LINGO2: variants seen among roughly 807,000 people sequenced by gnomAD.
The protein encoded by LINGO2 is leucine-rich repeat and immunoglobulin-like domain-containing nogo receptor-interacting protein 2.
In LINGO2, 14 loss-of-function variants were observed where a neutral mutation model predicts 30.6. That is an observed-to-expected ratio of 0.46 (90% CI 0.30 to 0.72). LINGO2 has a LOEUF of 0.72. Ranked by LOEUF, LINGO2 falls within the 30% of genes least tolerant of loss-of-function variation. The probability of loss-of-function intolerance (pLI) is 0.07; values close to 1 mark genes in which losing one functional copy is unlikely to be tolerated. For synonymous variants in LINGO2, 317 were observed against 288.5 expected, an observed-to-expected ratio of 1.10 and a Z score of -1.00; for missense variants, 729 against 751.7, an observed-to-expected ratio of 0.97 and a Z score of 0.35.
intron 4 of LINGO2, among the ~76,000 whole-genome samples, chr9:28,211,764 C>A (rs1478731385): frequency 6.6e-6 from 1 of 151,382 alleles, no homozygotes; most frequent in Non-Finnish European, 1.5e-5. Flanking sequence ...CAGAAATGAG[C>A]AAATGCATAT....
chr9:28,810,729 T>C, the LINGO2 span, among the ~76,000 whole-genome samples: 8 of 152,144 alleles, frequency 5.3e-5, no homozygotes, highest in Non-Finnish European at 1.5e-5. Context: ...TATCACCATG[T>C]TATAAATATT....
chr9:28,982,669 A>T, the LINGO2 span, among the ~76,000 whole-genome samples: 1 of 152,092 alleles, frequency 6.6e-6, no homozygotes, highest in Non-Finnish European at 1.5e-5. Flanking sequence ...TATATGAATC[A>T]TTACCTTATT....
intron 4 of LINGO2, among the ~76,000 whole-genome samples, chr9:28,242,018 A>G (rs1821819059): frequency 6.6e-6 from 1 of 152,132 alleles, no homozygotes; most frequent in Non-Finnish European, 1.5e-5. Flanking sequence ...TGAGAAAAAA[A>G]AATCAATGAA....
intron 4 of LINGO2, among the ~76,000 whole-genome samples, chr9:28,201,931 G>C (rs1007442071): frequency 6.6e-6 from 1 of 152,084 alleles, no homozygotes; most frequent in Non-Finnish European, 1.5e-5. Flanking sequence ...TTCTCATGAA[G>C]TTCAAAATCA....
chr9:28,124,387 A>AT (rs1241148387), intron 4 of LINGO2, among the ~76,000 whole-genome samples: 2 of 152,166 alleles, frequency 1.3e-5, no homozygotes, highest in African/African-American at 4.8e-5. Context: ...TTACACTTCA[A>AT]TTTTTTTCCA....
chr9:28,214,842 A>G (rs1322389791), intron 4 of LINGO2, among the ~76,000 whole-genome samples: 1 of 151,654 alleles, frequency 6.6e-6, no homozygotes, highest in Non-Finnish European at 1.5e-5. Flanking sequence ...GAATGGAAAC[A>G]AATCAGCTTA....
intron 1 of LINGO2, among the ~76,000 whole-genome samples, chr9:28,504,697 A>G (rs1820034704): frequency 6.6e-6 from 1 of 151,746 alleles, no homozygotes; most frequent in Non-Finnish European, 1.5e-5. Context: ...TAAAATTTTA[A>G]TATTTTCAAG....
At chr9:28,232,507 A>G (rs1044678997) in intron 4 of LINGO2, among the ~76,000 whole-genome samples, 1 of 151,176 alleles carries the variant, frequency 6.6e-6, no homozygotes, top group Non-Finnish European at 1.5e-5. Context: ...AGATATATTT[A>G]CTGTATACAA....
At chr9:29,045,816 A>C in the LINGO2 span, among the ~76,000 whole-genome samples, 5 of 152,068 alleles carry the variant, frequency 3.3e-5, no homozygotes, top group South Asian at 8.3e-4. Context: ...TCTCCAATTT[A>C]CTTGAGCATT....
At chr9:27,949,580 G>A (rs377706661) in exon 6 of LINGO2, 4 of 1,613,966 alleles carry the variant, frequency 2.5e-6, no homozygotes, top group Non-Finnish European at 2.5e-6. Context: ...GCAAGATCCA[G>A]AGAAGGCGGC....
At chr9:28,952,556 A>C in the LINGO2 span, among the ~76,000 whole-genome samples, 1 of 152,104 alleles carries the variant, frequency 6.6e-6, no homozygotes, top group African/African-American at 2.4e-5. Context: ...GAGGAATGTG[A>C]CTTCTGAGCC....
chr9:29,061,811 CAA>C, the LINGO2 span, among the ~76,000 whole-genome samples: 7 of 151,876 alleles, frequency 4.6e-5, no homozygotes, highest in Non-Finnish European at 8.8e-5. Flanking sequence ...GGCAATAAAA[CAA>C]AGACAGATAA....
intron 5 of LINGO2, among the ~76,000 whole-genome samples, chr9:27,979,127 G>C (rs944543185): frequency 6.6e-6 from 1 of 151,968 alleles, no homozygotes; most frequent in Non-Finnish European, 1.5e-5. Context: ...TACATTGTGA[G>C]CTGTGAACAG....
intron 4 of LINGO2, among the ~76,000 whole-genome samples, chr9:28,229,046 A>G (rs952536860): frequency 6.6e-6 from 1 of 151,804 alleles, no homozygotes; most frequent in African/African-American, 2.4e-5. Context: ...TCTCATGGAT[A>G]CACACTAAAA....
At chr9:29,041,153 T>A in the LINGO2 span, among the ~76,000 whole-genome samples, 1 of 152,054 alleles carries the variant, frequency 6.6e-6, no homozygotes, top group Non-Finnish European at 1.5e-5. Flanking sequence ...CTGTGTTCAC[T>A]CTTGCTTGCA....
At chr9:28,275,842 A>G (rs1026346634) in intron 4 of LINGO2, among the ~76,000 whole-genome samples, 5 of 152,206 alleles carry the variant, frequency 3.3e-5, no homozygotes, top group African/African-American at 1.2e-4. Flanking sequence ...AAATAAAACA[A>G]TGAAGGGAAC....
rs924643448 is a variant in LINGO2 at position 27,997,362 on chromosome 9, T to C, written c.-36+14993A>G. 2.4e-4 allele frequency among the ~76,000 whole-genome samples: 37 copies of C among 152,102 alleles called. 1 individual carries two copies. ...AATGCCATTCATTTTGCGGTAAAAT[T>C]CCCAGGTTATTAAGCACTTTGAGAT... On this transcript the variant is annotated intron_variant, in intron 5 of 5. Transcript: ENST00000379992.
chr9:29,127,328 C>T, the LINGO2 span, among the ~76,000 whole-genome samples: 43 of 152,118 alleles, frequency 2.8e-4, no homozygotes, highest in Non-Finnish European at 4.3e-4. Context: ...GTAGTCAAGA[C>T]CCTCCACTGG....
At chr9:28,474,276 A>T (rs1371271419) in intron 2 of LINGO2, among the ~76,000 whole-genome samples, 1 of 152,166 alleles carries the variant, frequency 6.6e-6, no homozygotes, top group Admixed American at 6.5e-5. Context: ...TTTATTTCAC[A>T]GGAGGCCAGG....
Sources: gnomAD v4.1 joint callset for allele counts (sites outside exome capture counted in the v4.1 genomes callset) on GRCh38, gnomAD v4.1.1 for gene constraint, MANE v1.5 for transcripts, NCBI Gene and HGNC (gene_info 2026-07-23, HGNC 2026-07-21) for gene names.